Variants in ADAM32 observed in about 807,000 individuals in gnomAD.
ADAM32 encodes the protein disintegrin and metalloproteinase domain-containing protein 32.
In ADAM32, 89 loss-of-function variants were observed where a neutral mutation model predicts 114.9. The observed-to-expected ratio is 0.77, with a 90% CI of 0.65 to 0.92. ADAM32 has a LOEUF of 0.92. Among genes scored for constraint, ADAM32 ranks in the 40% least tolerant of loss-of-function variants. ADAM32 has a pLI of 0.00. For synonymous variants in ADAM32, 285 were observed against 307.5 expected, an observed-to-expected ratio of 0.93 and a Z score of 0.77; for missense variants, 870 against 932.8, an observed-to-expected ratio of 0.93 and a Z score of 0.88.
intron 10 of ADAM32, among the ~76,000 whole-genome samples, chr8:39,170,805 T>C (rs1397149950): frequency 6.6e-6 from 1 of 152,078 alleles, no homozygotes; most frequent in Non-Finnish European, 1.5e-5. Context: ...TATTGACACA[T>C]AATAGTTGTA....
At chr8:39,220,687 G>A (rs1277520102) in intron 12 of ADAM32, among the ~76,000 whole-genome samples, 1 of 151,868 alleles carries the variant, frequency 6.6e-6, no homozygotes, top group Non-Finnish European at 1.5e-5. Context: ...TCATTCAGGA[G>A]CATGTTGTTT....
At chr8:39,204,190 T>C (rs893135516) in intron 11 of ADAM32, among the ~76,000 whole-genome samples, 1 of 152,200 alleles carries the variant, frequency 6.6e-6, no homozygotes, top group African/African-American at 2.4e-5. Context: ...CCTTGCTAGA[T>C]TGGGGAAGTT....
intron 6 of ADAM32, among the ~76,000 whole-genome samples, chr8:39,152,183 G>A (rs1002071528): frequency 6.6e-6 from 1 of 152,040 alleles, no homozygotes; most frequent in Admixed American, 6.6e-5. Context: ...CATGACCAAC[G>A]AGTCAGCATT....
intron 23 of ADAM32, among the ~76,000 whole-genome samples, chr8:39,282,484 G>T (rs1322354205): frequency 6.6e-6 from 1 of 152,086 alleles, no homozygotes; most frequent in Non-Finnish European, 1.5e-5. Flanking sequence ...ATCATCTATA[G>T]GGTAATATAC....
chr8:39,272,101 G>GAAAAAAAAAAAAAAAAAA (rs11366445), intron 20 of ADAM32, among the ~76,000 whole-genome samples: 6 of 65,808 alleles, frequency 9.1e-5, no homozygotes, highest in South Asian at 6.0e-4. Flanking sequence ...GTGAGCTCCA[G>GAAAAAAAAAAAAAAAAAA]AAAAAAAAAA....
chr8:39,144,688 T>C (rs190132488), intron 3 of ADAM32, among the ~76,000 whole-genome samples: 1 of 152,186 alleles, frequency 6.6e-6, no homozygotes, highest in African/African-American at 2.4e-5. Flanking sequence ...GACAAAGCCA[T>C]AGCTAACATC....
At chr8:39,172,505 A>C (rs1044243255) in intron 10 of ADAM32, among the ~76,000 whole-genome samples, 1 of 152,038 alleles carries the variant, frequency 6.6e-6, no homozygotes, top group Non-Finnish European at 1.5e-5. Flanking sequence ...GACAGGCCCC[A>C]GCGTGTGTTG....
At chr8:39,221,780 C>CTGTAATTTAATTGA in intron 13 of ADAM32, 78 bp downstream of exon 13, 2 of 807,446 alleles carry the variant, frequency 2.5e-6, no homozygotes, top group Non-Finnish European at 3.7e-6. Context: ...AGACCTACAG[C>CTGTAATTTAATTGA]TGTAATTACA....
chr8:39,192,689 G>A (rs1259999037), intron 11 of ADAM32, among the ~76,000 whole-genome samples: 2 of 152,198 alleles, frequency 1.3e-5, no homozygotes, highest in Non-Finnish European at 2.9e-5. Context: ...TCTCTCAGGA[G>A]CTCTTGTAAG....
At chr8:39,194,338 C>T (rs992722732) in intron 11 of ADAM32, among the ~76,000 whole-genome samples, 7 of 152,044 alleles carry the variant, frequency 4.6e-5, no homozygotes, top group Admixed American at 2.0e-4. Flanking sequence ...TCCAATGCTC[C>T]AGTGGCAATG....
At chr8:39,277,064 A>G (rs1471663409) in intron 22 of ADAM32, among the ~76,000 whole-genome samples, 4 of 146,788 alleles carry the variant, frequency 2.7e-5, no homozygotes, top group Non-Finnish European at 4.5e-5. Context: ...CTATATATAT[A>G]TGTGTTCACA....
chr8:39,160,824 G>C, intron 6 of ADAM32, 73 bp from the exon 7 acceptor site: 1 of 1,295,600 alleles, frequency 7.7e-7, no homozygotes, highest in Non-Finnish European at 1.1e-6. Context: ...TGTGGTATTA[G>C]CTTTAAAGAA....
chr8:39,197,503 G>A (rs963225228), intron 11 of ADAM32, among the ~76,000 whole-genome samples: 1 of 151,694 alleles, frequency 6.6e-6, no homozygotes, highest in Non-Finnish European at 1.5e-5. Flanking sequence ...CACTAGTTTT[G>A]ATATTATTTT....
intron 10 of ADAM32, among the ~76,000 whole-genome samples, chr8:39,177,487 TATTTACATTTAGCCG>T (rs1458461850): frequency 3.3e-5 from 5 of 152,218 alleles, no homozygotes; most frequent in African/African-American, 1.2e-4. Context: ...GCATTTAGCC[TATTTACATTTAGCCG>T]ATTTACATTT....
Position 39,211,255 on chromosome 8 carries a change from A to G in ADAM32, c.1164A>G (p.Lys388=), listed in dbSNP as rs775088628. Residue 388 remains lysine, a synonymous_variant, in exon 12 of 25, where the codon AAA becomes AAG. Transcript: ENST00000379907. ...CLQNKPQMQK[K]SPKPVCGNGR... ...AGAATAAGCCACAAATGCAAAAAAA[A>G]TCTCCGAAACCAGTCTGTGGCAATG... The G allele has an allele frequency of 3.1e-6, 5 of 1,604,078 alleles. No individual in the cohort carries two copies. The highest frequency in any genetic ancestry group is 4.3e-6 in the Non-Finnish European group (5 of 1,175,398).
intron 11 of ADAM32, among the ~76,000 whole-genome samples, chr8:39,201,502 G>A (rs558927396): frequency 6.6e-6 from 1 of 152,048 alleles, no homozygotes; most frequent in Admixed American, 6.6e-5. Context: ...TGCTGAAGTT[G>A]CTTATCCGCT....
chr8:39,122,887 A>G (rs1261259042), intron 2 of ADAM32, among the ~76,000 whole-genome samples: 1 of 152,176 alleles, frequency 6.6e-6, no homozygotes, highest in Non-Finnish European at 1.5e-5. Flanking sequence ...TCTGTTGTTA[A>G]TGTCACCATG....
At chr8:39,277,300 C>T (rs894231156) in intron 22 of ADAM32, among the ~76,000 whole-genome samples, 1 of 152,238 alleles carries the variant, frequency 6.6e-6, no homozygotes, top group African/African-American at 2.4e-5. Flanking sequence ...GTCTAGCCTT[C>T]TGGCTTACCG....
intron 11 of ADAM32, among the ~76,000 whole-genome samples, chr8:39,196,596 C>T (rs552546954): frequency 3.3e-5 from 5 of 151,906 alleles, no homozygotes; most frequent in African/African-American, 7.2e-5. Context: ...AATGATTTTG[C>T]GGTTTTTGTC....
Sources: gnomAD v4.1 joint callset for allele counts (sites outside exome capture counted in the v4.1 genomes callset) on GRCh38, gnomAD v4.1.1 for gene constraint, MANE v1.5 for transcripts, NCBI Gene and HGNC (gene_info 2026-07-23, HGNC 2026-07-21) for gene names.